Variants in KIAA1217 observed in about 807,000 individuals in gnomAD.
KIAA1217 encodes KIAA1217, also known as sickle tail protein homolog.
A neutral mutation model predicts 163.9 loss-of-function variants in KIAA1217; 88 were observed. The observed-to-expected ratio is 0.54, with a 90% CI of 0.45 to 0.64. The LOEUF (loss-of-function observed/expected upper bound fraction) is 0.64. Ranked by LOEUF, KIAA1217 falls within the 30% of genes least tolerant of loss-of-function variation. The probability of loss-of-function intolerance (pLI) is 0.00; values close to 1 mark genes in which losing one functional copy is unlikely to be tolerated. For missense variants in KIAA1217, 2,372 were observed against 2,475.0 expected (o/e 0.96, Z 0.88); for synonymous variants, 903 against 923.1 (o/e 0.98, Z 0.39).
intron 2 of KIAA1217, among the ~76,000 whole-genome samples, chr10:24,077,541 A>G (rs1178646092): frequency 6.6e-6 from 1 of 152,204 alleles, no homozygotes; most frequent in Non-Finnish European, 1.5e-5. Flanking sequence ...ATAGTATTCT[A>G]TGGTGTATAC....
intron 1 of KIAA1217, among the ~76,000 whole-genome samples, chr10:23,947,163 T>A (rs922593910): frequency 2.0e-5 from 3 of 152,190 alleles, no homozygotes; most frequent in African/African-American, 7.2e-5. Flanking sequence ...CCTTTATAAA[T>A]TACTGAGTCT....
At chr10:24,119,019 G>A (rs1240135284) in intron 2 of KIAA1217, among the ~76,000 whole-genome samples, 1 of 151,826 alleles carries the variant, frequency 6.6e-6, no homozygotes, top group South Asian at 2.1e-4. Flanking sequence ...GTTATCAGTT[G>A]TACTATAAAT....
rs199861086 is a variant in KIAA1217 at position 24,546,253 on chromosome 10, C to T, written c.5761C>T (p.Leu1921Phe). 6.2e-7 allele frequency: 1 copy of T among 1,614,186 alleles called. No homozygotes were observed. Among genetic ancestry groups the T allele is most frequent in the South Asian group, 1.1e-5 (1 of 91,078 alleles). ...CACCAGGACCATCCATACTCCCAGC[C>T]TCACCAGCTACAAGGCACAGAATGG... ...KGTRTIHTPS[L>F]TSYKAQNGSS... The change falls in exon 21 of 21, where the codon CTC (leucine) becomes TTC (phenylalanine). Residue 1921 changes from leucine (L) to phenylalanine (F), a missense_variant. Around this residue, in one of 3 missense-constraint regions of KIAA1217, gnomAD observed 690 missense variants for 677.5 expected, o/e 1.02. Coordinates refer to ENST00000376454, the MANE Select transcript of KIAA1217 (RefSeq NM_019590.5).
intron 2 of KIAA1217, among the ~76,000 whole-genome samples, chr10:24,066,012 C>G (rs2060928397): frequency 6.6e-6 from 1 of 152,124 alleles, no homozygotes; most frequent in South Asian, 2.1e-4. Flanking sequence ...TTCCTCCCTC[C>G]CTTTATTTTG....
At chr10:23,976,242 C>T (rs1433467627) in intron 1 of KIAA1217, among the ~76,000 whole-genome samples, 1 of 152,164 alleles carries the variant, frequency 6.6e-6, no homozygotes, top group Non-Finnish European at 1.5e-5. Context: ...ACCCAAGCAG[C>T]CTGTTGCAAA....
chr10:24,229,768 C>T (rs933200269), intron 2 of KIAA1217, among the ~76,000 whole-genome samples: 1 of 152,122 alleles, frequency 6.6e-6, no homozygotes, highest in African/African-American at 2.4e-5. Flanking sequence ...CTACCTGCCT[C>T]CCAAAGTGCT....
At chr10:24,136,970 CT>C (rs1380914039) in intron 2 of KIAA1217, among the ~76,000 whole-genome samples, 1 of 152,188 alleles carries the variant, frequency 6.6e-6, no homozygotes, top group African/African-American at 2.4e-5. Flanking sequence ...ACAATATACT[CT>C]GGCATCAGGG....
At chr10:23,971,817 A>T (rs1845329151) in intron 1 of KIAA1217, among the ~76,000 whole-genome samples, 1 of 152,190 alleles carries the variant, frequency 6.6e-6, no homozygotes, top group Non-Finnish European at 1.5e-5. Context: ...AAGTCTGAAA[A>T]GAAATATTTA....
intron 1 of KIAA1217, among the ~76,000 whole-genome samples, chr10:24,210,230 C>A (rs143197507): frequency 1.4e-4 from 21 of 152,116 alleles, no homozygotes; most frequent in Non-Finnish European, 1.0e-4. Flanking sequence ...CATGACTCAT[C>A]CACGCTGAAA....
At chr10:24,132,566 T>TA (rs2131811081) in intron 2 of KIAA1217, among the ~76,000 whole-genome samples, 1 of 152,274 alleles carries the variant, frequency 6.6e-6, no homozygotes, top group East Asian at 1.9e-4. Flanking sequence ...GTAAACTGTT[T>TA]TCTAGCTGTG....
At chr10:24,141,554 G>A (rs1208391660) in intron 2 of KIAA1217, among the ~76,000 whole-genome samples, 1 of 152,118 alleles carries the variant, frequency 6.6e-6, no homozygotes, top group African/African-American at 2.4e-5. Context: ...GAACTCCTGG[G>A]CCCACCCCTA....
At position 24,122,456 on chromosome 10, in the gene KIAA1217, T is replaced by C. The variant is rs574696364; in HGVS notation, c.-170-97170T>C. On this transcript the variant is annotated intron_variant, in intron 2 of 18. Transcript: ENST00000376462. ...TACTGTGAATAGTGCTGTGACGATATGTTCAAATATTCAACATATCAGAAT... is the reference window on the plus strand; with the variant it reads ...TACTGTGAATAGTGCTGTGACGATACGTTCAAATATTCAACATATCAGAAT... Among the ~76,000 whole-genome samples the C allele has an allele frequency of 1.8e-4, 28 of 152,282 alleles. No homozygotes were observed. The East Asian group carries it at 5.0e-3, about 27-fold the overall frequency.
intron 2 of KIAA1217, among the ~76,000 whole-genome samples, chr10:24,113,765 G>A (rs978787181): frequency 2.0e-5 from 3 of 152,320 alleles, no homozygotes; most frequent in African/African-American, 7.2e-5. Flanking sequence ...GGAAGCCCCT[G>A]CCATGCCTCC....
chr10:23,953,564 G>A (rs1005255641), intron 1 of KIAA1217, among the ~76,000 whole-genome samples: 4 of 152,162 alleles, frequency 2.6e-5, no homozygotes, highest in South Asian at 2.1e-4. Flanking sequence ...AGGAAGGAAC[G>A]GACCATTAAG....
chr10:24,209,316 C>A, intron 1 of KIAA1217, 53 bp downstream of exon 1: 1 of 1,373,940 alleles, frequency 7.3e-7, no homozygotes, highest in Non-Finnish European at 1.0e-6. Flanking sequence ...TGCCCCTTGC[C>A]GCTTGCTGCT....
upstream of KIAA1217, among the ~76,000 whole-genome samples, chr10:24,206,775 G>A (rs920506634): frequency 6.6e-6 from 1 of 152,114 alleles, no homozygotes; most frequent in Admixed American, 6.5e-5. Context: ...ACAGAGTTTT[G>A]TTTCCTGGAA....
At chr10:24,263,695 C>T (rs1011496621) in intron 2 of KIAA1217, among the ~76,000 whole-genome samples, 8 of 152,174 alleles carry the variant, frequency 5.3e-5, no homozygotes, top group African/African-American at 1.9e-4. Context: ...TTGTTTCTGA[C>T]TAACTTTATC....
chr10:24,050,209 T>C (rs777113171), intron 2 of KIAA1217, among the ~76,000 whole-genome samples: 1 of 152,220 alleles, frequency 6.6e-6, no homozygotes, highest in African/African-American at 2.4e-5. Context: ...ATATTAGCCC[T>C]TTGTCAGATG....
chr10:24,516,218 A>G (rs1160446378), intron 10 of KIAA1217, among the ~76,000 whole-genome samples: 2 of 152,242 alleles, frequency 1.3e-5, no homozygotes, highest in African/African-American at 4.8e-5. Context: ...TGGCCTGGAA[A>G]ATGCAAGATG....
Sources: gnomAD v4.1 joint callset for allele counts (sites outside exome capture counted in the v4.1 genomes callset) on GRCh38, gnomAD v4.1.1 for gene constraint, gnomAD v4.1.1 regional missense constraint, MANE v1.5 for transcripts, NCBI Gene and HGNC (gene_info 2026-07-23, HGNC 2026-07-21) for gene names.